Variants in EPN2 observed in about 807,000 individuals in gnomAD.
EPN2 encodes epsin-2.
Under a neutral mutation model 61.7 loss-of-function variants are expected in EPN2, and 34 were observed. The observed-to-expected ratio is 0.55, with a 90% CI of 0.42 to 0.73. The LOEUF is 0.73. Ranked by LOEUF, EPN2 falls within the 30% of genes least tolerant of loss-of-function variation. The pLI is 0.00. For missense variants in EPN2, 714 were observed against 839.2 expected (o/e 0.85, Z 1.84); for synonymous variants, 349 against 353.6 (o/e 0.99, Z 0.15).
chr17:19,318,817 C>T (rs1407143205), intron 7 of EPN2, among the ~76,000 whole-genome samples: 4 of 151,904 alleles, frequency 2.6e-5, no homozygotes, highest in Non-Finnish European at 4.4e-5. Context: ...GGTGGGTCAG[C>T]GTGCTGCTGG....
At chr17:19,319,642 T>A (rs961366067) in intron 7 of EPN2, among the ~76,000 whole-genome samples, 1 of 151,020 alleles carries the variant, frequency 6.6e-6, no homozygotes, top group African/African-American at 2.4e-5. Context: ...CTTTTTTTTT[T>A]ATTTTTTATT....
At position 19,313,131 on chromosome 17, in the gene EPN2, G is replaced by A. The variant is rs757858739; in HGVS notation, c.999G>A (p.Thr333=). 8.1e-6 allele frequency: 13 copies of A among 1,613,690 alleles called. No homozygotes were observed. Among genetic ancestry groups the A allele is most frequent in the South Asian group, 2.2e-5 (2 of 91,080 alleles). ...ATGGCTCTCTCCCACAGCAGACTAC[G>A]CTGTTGGATTTAATGGATGCTCTCC... ...KEHGSLPQQT[T]LLDLMDALPS... Residue 333 remains threonine (T), a synonymous_variant, in exon 7 of 11, where the codon ACG becomes ACA. Coordinates refer to ENST00000314728, the MANE Select transcript of EPN2 (RefSeq NM_014964.5).
chr17:19,300,202 C>T (rs1279566871), intron 4 of EPN2, among the ~76,000 whole-genome samples: 1 of 152,100 alleles, frequency 6.6e-6, no homozygotes, highest in African/African-American at 2.4e-5. Context: ...TAGAAAGAAA[C>T]AGGGACTTAG....
Position 19,328,790 on chromosome 17 carries a change from C to T in EPN2, c.1227C>T (p.Asp409=), listed in dbSNP as rs1406678078. 6.2e-7 allele frequency: 1 copy of T among 1,613,666 alleles called. No individual in the cohort carries two copies. ...TACAATCTGTCCCCAAGAACTCGGA[C>T]CCCTGGGCAGCTTCACAGCAGCCTG... ...ATVQSVPKNS[D]PWAASQQPAS... is the part of the protein sequence containing the mutation. Residue 409 remains aspartate (D), a synonymous_variant, in exon 8 of 11, where the codon GAC becomes GAT. Transcript: ENST00000314728.
intron 1 of EPN2, among the ~76,000 whole-genome samples, chr17:19,281,446 G>A (rs1211458281): frequency 1.3e-5 from 2 of 152,226 alleles, no homozygotes; most frequent in Admixed American, 1.3e-4. Context: ...TGTTTGTGAT[G>A]AGTAGTCATT....
chr17:19,292,654 T>C (rs1360215171), intron 4 of EPN2, among the ~76,000 whole-genome samples: 1 of 152,256 alleles, frequency 6.6e-6, no homozygotes, highest in Non-Finnish European at 1.5e-5. Flanking sequence ...AGATGCTCGT[T>C]CTTGCCACAA....
At chr17:19,317,399 C>T (rs1906435239) in intron 7 of EPN2, among the ~76,000 whole-genome samples, 1 of 152,234 alleles carries the variant, frequency 6.6e-6, no homozygotes, top group Non-Finnish European at 1.5e-5. Context: ...TGTACTCCCG[C>T]CCACTGCCTG....
Position 19,283,361 on chromosome 17 carries a change from T to C in EPN2, c.242T>C (p.Leu81Pro). 6.2e-7 allele frequency: 1 copy of C among 1,614,132 alleles called. No homozygotes were observed. The highest frequency in any genetic ancestry group is 8.5e-7 in the Non-Finnish European group (1 of 1,179,982). Residue 81 changes from leucine (L) to proline (P), a missense_variant, in exon 3 of 11, where the codon CTG becomes CCG. Leu to Pro is a moderately conservative substitution (Grantham distance 98). This residue lies in a region of EPN2 where 304 missense variants were observed against 417.4 expected (regional missense o/e 0.73). Transcript: ENST00000314728. The surrounding 1 kb of genome is among the most constrained non-coding windows in gnomAD (Gnocchi z 7.0). ...CATGTGTACAAGGCGCTGACCCTGC[T>C]GGACTACCTCATCAAGACAGGCTCC... ...WRHVYKALTL[L>P]DYLIKTGSER...
intron 7 of EPN2, among the ~76,000 whole-genome samples, chr17:19,317,936 A>G (rs1212966191): frequency 2.0e-5 from 3 of 152,170 alleles, no homozygotes; most frequent in African/African-American, 4.8e-5. Flanking sequence ...GCAAGGTGCC[A>G]CAGTGTGTGA....
intron 1 of EPN2, among the ~76,000 whole-genome samples, chr17:19,264,750 G>T (rs1744700068): frequency 6.6e-6 from 1 of 152,226 alleles, no homozygotes; most frequent in African/African-American, 2.4e-5. Context: ...AGCAGGTGGG[G>T]CTGGACTCGG....
chr17:19,329,379 C>T (rs1343011141), intron 8 of EPN2, 182 bp from the exon 9 acceptor site: 3 of 553,906 alleles, frequency 5.4e-6, no homozygotes, highest in Non-Finnish European at 9.6e-6. Context: ...TGTCTCCCCT[C>T]CCAGCGTGCT....
chr17:19,314,418 ACT>A (rs1230686373), intron 7 of EPN2, among the ~76,000 whole-genome samples: 1 of 152,126 alleles, frequency 6.6e-6, no homozygotes, highest in Non-Finnish European at 1.5e-5. Flanking sequence ...CCTGCAGAAG[ACT>A]CAGCGTGTGA....
intron 4 of EPN2, chr17:19,304,032 G>C (rs1905684057): frequency 1.3e-5 from 2 of 152,224 alleles, no homozygotes; most frequent in African/African-American, 4.8e-5. Context: ...GAACTCGGGA[G>C]GTGGAGGTTG....
rs899474644 is a variant in EPN2 at position 19,311,482 on chromosome 17, A to G, written c.880-570A>G. ...TAAAAACAAGAAAAGAAAAAATACA[A>G]GGAATATATTATTTATATTTAATTA... On this transcript the variant is annotated intron_variant, in intron 5 of 10. Coordinates refer to ENST00000314728, the MANE Select transcript of EPN2 (RefSeq NM_014964.5). Among the ~76,000 whole-genome samples, 3 of 151,932 alleles carry G rather than the reference A, an allele frequency of 2.0e-5. No individual in the cohort carries two copies. In the East Asian group the frequency reaches 5.8e-4, roughly 29 times the overall value.
In EPN2 at chr17:19,283,059, A is replaced by G; in HGVS notation, c.-61A>G. 1 of 1,305,840 alleles carries G rather than the reference A, an allele frequency of 7.7e-7. No individual in the cohort carries two copies. The highest frequency in any genetic ancestry group is 1.5e-5 in the African/African-American group (1 of 68,162). 80.9% of individuals were successfully genotyped at this position (1,305,840 alleles called of 1,614,324 possible). On this transcript the variant is annotated 5_prime_UTR_variant, in exon 3 of 11. Coordinates refer to ENST00000314728, the MANE Select transcript of EPN2 (RefSeq NM_014964.5). The surrounding 1 kb of genome is among the most constrained non-coding windows in gnomAD (Gnocchi z 7.0). ...CTGAACCTTCATAGGGTGCGCACTT[A>G]CCAAGGACAGGAAGGTTTCTCTGTT...
chr17:19,334,291 G>A lies in EPN2; in HGVS notation c.*37G>A. 7.2e-7 allele frequency: 1 copy of A among 1,389,042 alleles called. No individual in the cohort carries two copies. The highest frequency in any genetic ancestry group is 9.4e-7 in the Non-Finnish European group (1 of 1,063,982). The allele number at this position is 1,389,042 out of a possible 1,614,324, so 86.0% of individuals were successfully genotyped here. On this transcript the variant is annotated 3_prime_UTR_variant, in exon 11 of 11. Coordinates refer to ENST00000314728, the MANE Select transcript of EPN2 (RefSeq NM_014964.5). The surrounding 1 kb of genome is among the most constrained non-coding windows in gnomAD (Gnocchi z 4.9). Reference sequence around the variant, plus strand: ...GGGACCCACCCAGAGCACCTGTGCTGGAGGATGCCGAGCAGGGACTCTCGT... The same window carrying A: ...GGGACCCACCCAGAGCACCTGTGCTAGAGGATGCCGAGCAGGGACTCTCGT...
rs1329658229 is a variant in EPN2, at chr17:19,283,054, C to T, written c.-66C>T. ...GGAGACTGAACCTTCATAGGGTGCG[C>T]ACTTACCAAGGACAGGAAGGTTTCT... On this transcript the variant is annotated 5_prime_UTR_variant, in exon 3 of 11. Transcript: ENST00000314728. The surrounding 1 kb of genome is among the most constrained non-coding windows in gnomAD (Gnocchi z 7.0). 1.7e-6 allele frequency: 2 copies of T among 1,177,160 alleles called. No homozygotes were observed. The highest frequency in any genetic ancestry group is 3.1e-5 in the African/African-American group (2 of 65,504). 72.9% of individuals were successfully genotyped at this position (1,177,160 alleles called of 1,614,324 possible). A position where few individuals can be genotyped will look rare whatever the true frequency, so the allele number is the denominator to read the frequency against.
At chr17:19,256,362 A>C (rs1177196733) in intron 1 of EPN2, among the ~76,000 whole-genome samples, 3 of 149,392 alleles carry the variant, frequency 2.0e-5, no homozygotes, top group African/African-American at 5.0e-5. Context: ...GAGAGGGGAG[A>C]ATTGCTTGAG....
At chr17:19,257,574 A>G (rs369174109) in intron 1 of EPN2, among the ~76,000 whole-genome samples, 9 of 150,044 alleles carry the variant, frequency 6.0e-5, no homozygotes, top group African/African-American at 2.0e-4. Flanking sequence ...CTGGAATGCA[A>G]TGGTGCCATC....
Sources: allele counts gnomAD v4.1 joint callset (sites outside exome capture counted in the v4.1 genomes callset), GRCh38; gene constraint gnomAD v4.1.1; regional missense constraint gnomAD v4.1.1; non-coding constraint Gnocchi (gnomAD v3.1); transcripts MANE v1.5; gene names NCBI Gene and HGNC (gene_info 2026-07-23, HGNC 2026-07-21).